TRPC4: variants seen among roughly 807,000 people sequenced by gnomAD.
TRPC4 encodes the protein transient receptor potential cation channel subfamily C member 4, also known as short transient receptor potential channel 4.
In TRPC4, 49 loss-of-function variants were observed where a neutral mutation model predicts 99.4. That is an observed-to-expected ratio of 0.49 (90% CI 0.39 to 0.63). The LOEUF (loss-of-function observed/expected upper bound fraction) is 0.63. Ranked by LOEUF, TRPC4 falls within the 20% of genes least tolerant of loss-of-function variation. The probability of loss-of-function intolerance (pLI) is 0.00; values close to 1 mark genes in which losing one functional copy is unlikely to be tolerated. For missense variants in TRPC4, 898 were observed against 1,152.9 expected (o/e 0.78, Z 3.20); for synonymous variants, 454 against 425.9 (o/e 1.07, Z -0.81).
At chr13:37,822,604 C>T (rs1958049048) in intron 1 of TRPC4, among the ~76,000 whole-genome samples, 1 of 151,622 alleles carries the variant, frequency 6.6e-6, no homozygotes. Context: ...ATGAACTCAT[C>T]ATTTTTTATG....
intron 3 of TRPC4, among the ~76,000 whole-genome samples, chr13:37,705,158 G>A (rs1954229071): frequency 6.6e-6 from 1 of 152,152 alleles, no homozygotes; most frequent in South Asian, 2.1e-4. Context: ...CAACATGGAT[G>A]AAACGGAAGG....
intron 8 of TRPC4, among the ~76,000 whole-genome samples, chr13:37,650,706 AT>A (rs1333943376): frequency 1.3e-5 from 2 of 152,018 alleles, no homozygotes; most frequent in East Asian, 3.9e-4. Flanking sequence ...ATGTTGAGTA[AT>A]TACACATATT....
intron 1 of TRPC4, among the ~76,000 whole-genome samples, chr13:37,841,214 A>G (rs1163117879): frequency 6.6e-6 from 1 of 152,154 alleles, no homozygotes; most frequent in East Asian, 1.9e-4. Context: ...GTATATCAAC[A>G]GAAATAAGAA....
chr13:37,783,325 C>T lies in TRPC4; in HGVS notation c.9G>A (p.Gln3=). MA[Q]FYYKRNVNAP... ...CATTAACATTTCTTTTGTAATAGAA[C>T]TGAGCCATGTTTCATGCCATGCTAT... Residue 3 remains glutamine (Q), a synonymous_variant, in exon 2 of 11, where the codon CAG becomes CAA. Coordinates refer to ENST00000379705, the MANE Select transcript of TRPC4 (RefSeq NM_016179.4). The T allele has an allele frequency of 6.4e-7, 1 of 1,564,734 alleles. No homozygotes were observed. The highest frequency in any genetic ancestry group is 8.6e-7 in the Non-Finnish European group (1 of 1,157,288).
intron 1 of TRPC4, among the ~76,000 whole-genome samples, chr13:37,869,234 C>T (rs1306996291): frequency 6.6e-6 from 1 of 151,990 alleles, no homozygotes; most frequent in African/African-American, 2.4e-5. Context: ...AGGCTAAAAA[C>T]GGCCACATTC....
chr13:37,808,898 G>GC (rs1957601700), intron 1 of TRPC4, among the ~76,000 whole-genome samples: 1 of 151,952 alleles, frequency 6.6e-6, no homozygotes, highest in African/African-American at 2.4e-5. Flanking sequence ...CCGCCTGAAA[G>GC]CCCCCTGAAA....
intron 8 of TRPC4, among the ~76,000 whole-genome samples, chr13:37,650,949 A>G (rs1360880170): frequency 6.6e-6 from 1 of 152,204 alleles, no homozygotes; most frequent in Non-Finnish European, 1.5e-5. Context: ...CATTCTGAAA[A>G]GACCTAGAAG....
At chr13:37,677,960 C>A (rs1244323150) in intron 4 of TRPC4, among the ~76,000 whole-genome samples, 2 of 152,022 alleles carry the variant, frequency 1.3e-5, no homozygotes, top group Non-Finnish European at 2.9e-5. Context: ...AACAACCAAT[C>A]AATAATTAAA....
At chr13:37,859,110 A>T (rs561993281) in intron 1 of TRPC4, among the ~76,000 whole-genome samples, 8 of 151,758 alleles carry the variant, frequency 5.3e-5, no homozygotes, top group Non-Finnish European at 7.4e-5. Context: ...ATGAATAAAT[A>T]AATCAGTTTA....
intron 3 of TRPC4, among the ~76,000 whole-genome samples, chr13:37,736,712 A>G (rs1955405041): frequency 6.6e-6 from 1 of 151,848 alleles, no homozygotes; most frequent in South Asian, 2.1e-4. Flanking sequence ...ATACCAATAG[A>G]CTTAAGAAAA....
chr13:37,792,415 G>T (rs1398888694), intron 1 of TRPC4, among the ~76,000 whole-genome samples: 5 of 151,952 alleles, frequency 3.3e-5, no homozygotes, highest in African/African-American at 9.7e-5. Context: ...ATGTATATAC[G>T]ATGTAAAAAC....
chr13:37,713,817 C>G (rs1177337494), intron 3 of TRPC4, among the ~76,000 whole-genome samples: 1 of 152,142 alleles, frequency 6.6e-6, no homozygotes, highest in East Asian at 1.9e-4. Context: ...AATCAATGTT[C>G]TCTGCTATAA....
At chr13:37,755,266 TAA>T (rs574162015) in intron 2 of TRPC4, among the ~76,000 whole-genome samples, 13 of 142,038 alleles carry the variant, frequency 9.2e-5, no homozygotes, top group South Asian at 2.2e-4. Flanking sequence ...CCTGGCTCTT[TAA>T]AAAAAAAAAA....
chr13:37,724,330 A>G (rs886849727), intron 3 of TRPC4, among the ~76,000 whole-genome samples: 1 of 152,170 alleles, frequency 6.6e-6, no homozygotes, highest in Non-Finnish European at 1.5e-5. Flanking sequence ...TGTACACAGG[A>G]AAACATCTGG....
chr13:37,821,419 T>C (rs1463800565), intron 1 of TRPC4, among the ~76,000 whole-genome samples: 1 of 152,124 alleles, frequency 6.6e-6, no homozygotes, highest in Non-Finnish European at 1.5e-5. Flanking sequence ...ATGCTATTCC[T>C]ATCAAATTAC....
intron 2 of TRPC4, among the ~76,000 whole-genome samples, chr13:37,750,224 A>G (rs528277379): frequency 6.6e-6 from 1 of 152,186 alleles, no homozygotes; most frequent in East Asian, 1.9e-4. Flanking sequence ...TTCATTGTTA[A>G]TGACATTTTT....
intron 1 of TRPC4, among the ~76,000 whole-genome samples, chr13:37,815,828 C>T (rs1781949903): frequency 6.6e-6 from 1 of 151,724 alleles, no homozygotes; most frequent in Admixed American, 6.6e-5. Flanking sequence ...TTCTCATATG[C>T]ATGTGATACA....
At chr13:37,732,138 T>G (rs948281684) in intron 3 of TRPC4, among the ~76,000 whole-genome samples, 2 of 152,120 alleles carry the variant, frequency 1.3e-5, no homozygotes, top group Admixed American at 1.3e-4. Flanking sequence ...AAGATTTCAG[T>G]TCTTGGATTC....
At chr13:37,689,754 C>T (rs544356692) in intron 4 of TRPC4, among the ~76,000 whole-genome samples, 2 of 152,268 alleles carry the variant, frequency 1.3e-5, no homozygotes. Context: ...TGACTGTTTT[C>T]ACTGGACAAG....
Sources: gnomAD v4.1 joint callset for allele counts (sites outside exome capture counted in the v4.1 genomes callset) on GRCh38, gnomAD v4.1.1 for gene constraint, MANE v1.5 for transcripts, NCBI Gene and HGNC (gene_info 2026-07-23, HGNC 2026-07-21) for gene names.